HECW2: variants seen among roughly 807,000 people sequenced by gnomAD.
The protein encoded by HECW2 is HECT, C2 and WW domain containing E3 ubiquitin protein ligase 2, also known as E3 ubiquitin-protein ligase HECW2.
A neutral mutation model predicts 175.2 loss-of-function variants in HECW2; 61 were observed. The observed-to-expected ratio is 0.35, with a 90% CI of 0.28 to 0.43. The LOEUF is 0.43. Among genes scored for constraint, HECW2 ranks in the 20% least tolerant of loss-of-function variants. The pLI is 1.00. For missense variants in HECW2, 1,524 were observed against 2,000.5 expected (o/e 0.76, Z 4.54); for synonymous variants, 671 against 731.0 (o/e 0.92, Z 1.32).
At chr2:196,265,892 A>G (rs1370657462) in intron 17 of HECW2, among the ~76,000 whole-genome samples, 1 of 152,194 alleles carries the variant, frequency 6.6e-6, no homozygotes, top group Non-Finnish European at 1.5e-5. Flanking sequence ...ATTCAAACCT[A>G]GGCCTTTCTG....
intron 1 of HECW2, among the ~76,000 whole-genome samples, chr2:196,485,523 T>C (rs1436113446): frequency 1.3e-5 from 2 of 152,000 alleles, no homozygotes; most frequent in African/African-American, 2.4e-5. Flanking sequence ...CAGGTGGAGG[T>C]GGAAGGCAGG....
intron 1 of HECW2, among the ~76,000 whole-genome samples, chr2:196,589,651 CACA>C (rs1321187156): frequency 1.3e-5 from 2 of 152,204 alleles, no homozygotes; most frequent in Non-Finnish European, 2.9e-5. Context: ...ATCAAGTCTT[CACA>C]ACAACACTTG....
intron 1 of HECW2, among the ~76,000 whole-genome samples, chr2:196,552,602 T>C (rs1035370675): frequency 3.9e-5 from 6 of 152,202 alleles, no homozygotes; most frequent in Non-Finnish European, 8.8e-5. Flanking sequence ...AATCACCAGC[T>C]CAACTCTTCA....
rs1007687052 is a variant in HECW2, at chr2:196,205,649, T to C, written c.4608-4261A>G. Among the ~76,000 whole-genome samples the C allele has an allele frequency of 1.1e-4, 16 of 152,292 alleles. No homozygotes were observed. The East Asian group carries it at 1.2e-3, about 11-fold the overall frequency. On this transcript the variant is annotated intron_variant, in intron 28 of 28. Coordinates refer to ENST00000644978, the MANE Select transcript of HECW2 (RefSeq NM_001348768.2). ...AAGGCAAATACTCAAAAGGATACTT[T>C]AGAGTGTATCAAAATCACTCCAGGA...
intron 14 of HECW2, chr2:196,291,250 C>T (rs1402776008): frequency 6.6e-6 from 1 of 152,114 alleles, no homozygotes; most frequent in East Asian, 1.9e-4. Context: ...GGTATCTGCT[C>T]ACCTATGGCC....
chr2:196,255,073 A>T (rs1232041236), intron 18 of HECW2, among the ~76,000 whole-genome samples: 1 of 149,970 alleles, frequency 6.7e-6, no homozygotes, highest in Non-Finnish European at 1.5e-5. Flanking sequence ...CCTGGGTTCA[A>T]GTGATTCTCC....
At chr2:196,562,158 C>A (rs1690023388) in intron 1 of HECW2, among the ~76,000 whole-genome samples, 1 of 152,140 alleles carries the variant, frequency 6.6e-6, no homozygotes. Context: ...AGCAGAATAT[C>A]CAAAGACAAT....
chr2:196,384,526 G>A (rs1274620649), intron 2 of HECW2, among the ~76,000 whole-genome samples: 1 of 152,132 alleles, frequency 6.6e-6, no homozygotes, highest in African/African-American at 2.4e-5. Context: ...ATGCTGCAGT[G>A]AGCCGAGACA....
intron 1 of HECW2, among the ~76,000 whole-genome samples, chr2:196,475,357 A>G (rs1049884878): frequency 6.7e-6 from 1 of 149,458 alleles, no homozygotes; most frequent in African/African-American, 2.5e-5. Context: ...GGGGATGCGC[A>G]AAGGGAAGAG....
At chr2:196,210,511 T>C (rs951719675) in intron 28 of HECW2, among the ~76,000 whole-genome samples, 2 of 152,098 alleles carry the variant, frequency 1.3e-5, no homozygotes, top group African/African-American at 4.8e-5. Flanking sequence ...TGGGTGGACA[T>C]TGGATTGATA....
chr2:196,291,529 G>T (rs1206266729), intron 14 of HECW2: 8 of 152,184 alleles, frequency 5.3e-5, no homozygotes, highest in Non-Finnish European at 1.2e-4. Context: ...TCCAAGGGTT[G>T]TTAAATACTT....
intron 2 of HECW2, among the ~76,000 whole-genome samples, chr2:196,421,992 G>C (rs905572668): frequency 6.6e-6 from 1 of 152,142 alleles, no homozygotes; most frequent in Admixed American, 6.6e-5. Flanking sequence ...AGGAAGATCC[G>C]TGATAGTCTG....
chr2:196,368,606 A>G (rs1453697896), intron 2 of HECW2, among the ~76,000 whole-genome samples: 1 of 152,030 alleles, frequency 6.6e-6, no homozygotes, highest in Non-Finnish European at 1.5e-5. Flanking sequence ...AAGGCCAATA[A>G]CTTAGATTTG....
chr2:196,443,869 T>C (rs920350193), intron 1 of HECW2, among the ~76,000 whole-genome samples: 4 of 152,026 alleles, frequency 2.6e-5, no homozygotes, highest in African/African-American at 9.7e-5. Context: ...ACCCCATCTC[T>C]ACAAAAAATA....
intron 14 of HECW2, among the ~76,000 whole-genome samples, chr2:196,286,576 G>A (rs1690398612): frequency 1.3e-5 from 2 of 152,008 alleles, no homozygotes; most frequent in African/African-American, 4.8e-5. Flanking sequence ...CCCCTAGACA[G>A]TTTATTTTTG....
chr2:196,301,628 G>C (rs1298047143), intron 13 of HECW2, among the ~76,000 whole-genome samples: 1 of 151,834 alleles, frequency 6.6e-6, no homozygotes, highest in East Asian at 1.9e-4. Flanking sequence ...ATAATGACCA[G>C]TAATGTTGAG....
chr2:196,559,389 C>T (rs1204860497), intron 1 of HECW2, among the ~76,000 whole-genome samples: 2 of 152,190 alleles, frequency 1.3e-5, no homozygotes, highest in Non-Finnish European at 2.9e-5. Context: ...TTCATCACCC[C>T]CAATATAAGT....
At chr2:196,455,463 T>C (rs1160191827) in intron 1 of HECW2, among the ~76,000 whole-genome samples, 1 of 152,234 alleles carries the variant, frequency 6.6e-6, no homozygotes, top group African/African-American at 2.4e-5. Context: ...AAAACAAAGG[T>C]GAGTGATAAT....
chr2:196,475,217 G>A (rs531335985), intron 1 of HECW2, among the ~76,000 whole-genome samples: 1 of 152,206 alleles, frequency 6.6e-6, no homozygotes, highest in African/African-American at 2.4e-5. Flanking sequence ...GGGCAGAAAT[G>A]AGGAACCTGC....
Sources: gnomAD v4.1 joint callset for allele counts (sites outside exome capture counted in the v4.1 genomes callset) on GRCh38, gnomAD v4.1.1 for gene constraint, MANE v1.5 for transcripts, NCBI Gene and HGNC (gene_info 2026-07-23, HGNC 2026-07-21) for gene names.